GALNT13: variants seen among roughly 807,000 people sequenced by gnomAD.
GALNT13 encodes the protein UDP-GalNAc:polypeptide N-acetylgalactosaminyltransferase 13.
Under a neutral mutation model 64.2 loss-of-function variants are expected in GALNT13, and 28 were observed. That is an observed-to-expected ratio of 0.44 (90% CI 0.32 to 0.60). The LOEUF (loss-of-function observed/expected upper bound fraction) is 0.60. GALNT13 is among the 20% of genes least tolerant of loss of function. The probability of loss-of-function intolerance (pLI) is 0.05; values close to 1 mark genes in which losing one functional copy is unlikely to be tolerated. For synonymous variants in GALNT13, 214 were observed against 224.6 expected, an observed-to-expected ratio of 0.95 and a Z score of 0.42; for missense variants, 577 against 669.8, an observed-to-expected ratio of 0.86 and a Z score of 1.53.
At chr2:153,260,090 A>G in the GALNT13 span, among the ~76,000 whole-genome samples, 3 of 152,158 alleles carry the variant, frequency 2.0e-5, no homozygotes, top group Non-Finnish European at 4.4e-5. Flanking sequence ...TAAAACTAAT[A>G]CAACTCTAAG....
chr2:154,301,349 C>A (rs896884119), intron 8 of GALNT13, 60 bp from the exon 9 acceptor site: 2 of 1,375,142 alleles, frequency 1.5e-6, no homozygotes, highest in Non-Finnish European at 2.0e-6. Context: ...GCCTAAGCTT[C>A]AGTTGCTTCA....
At chr2:154,119,580 GTGTC>G (rs1245976813) in intron 3 of GALNT13, among the ~76,000 whole-genome samples, 11 of 151,722 alleles carry the variant, frequency 7.3e-5, no homozygotes, top group African/African-American at 9.7e-5. Context: ...TCTAGTGAAG[GTGTC>G]TGAATTTTTA....
chr2:154,113,252 C>T (rs1319250327), intron 3 of GALNT13, among the ~76,000 whole-genome samples: 1 of 152,188 alleles, frequency 6.6e-6, no homozygotes, highest in Non-Finnish European at 1.5e-5. Context: ...AGTAAGCCTC[C>T]CTATCTGCCA....
At chr2:153,358,849 C>T in the GALNT13 span, among the ~76,000 whole-genome samples, 1 of 152,120 alleles carries the variant, frequency 6.6e-6, no homozygotes, top group African/African-American at 2.4e-5. Flanking sequence ...CTTTGTTTCT[C>T]ACCAGAGGTT....
the GALNT13 span, among the ~76,000 whole-genome samples, chr2:153,358,308 A>G: frequency 2.6e-5 from 4 of 152,340 alleles, no homozygotes; most frequent in South Asian, 8.3e-4. Flanking sequence ...TGTAATAGCA[A>G]CATAAAAGTT....
the GALNT13 span, among the ~76,000 whole-genome samples, chr2:153,590,618 A>T: frequency 6.6e-6 from 1 of 152,160 alleles, no homozygotes; most frequent in Non-Finnish European, 1.5e-5. Context: ...AAAACATTTT[A>T]AAAAACACAA....
chr2:154,392,552 T>C (rs547059330), intron 9 of GALNT13, among the ~76,000 whole-genome samples: 1 of 152,314 alleles, frequency 6.6e-6, no homozygotes, highest in Non-Finnish European at 1.5e-5. Context: ...CATTCTTTCA[T>C]GTTTATTCAA....
the GALNT13 span, chr2:153,370,634 C>G: frequency 6.6e-6 from 1 of 152,058 alleles, no homozygotes; most frequent in South Asian, 2.1e-4. Context: ...GCAAAGAAGC[C>G]CCTGCTCTTC....
At chr2:153,331,776 T>G in the GALNT13 span, among the ~76,000 whole-genome samples, 18 of 152,274 alleles carry the variant, frequency 1.2e-4, no homozygotes, top group African/African-American at 4.1e-4. Context: ...CAATACTTTG[T>G]ATGCTTCAAT....
At chr2:153,606,955 T>C in the GALNT13 span, among the ~76,000 whole-genome samples, 1 of 151,914 alleles carries the variant, frequency 6.6e-6, no homozygotes, top group Non-Finnish European at 1.5e-5. Flanking sequence ...TCATCTCTTT[T>C]CATATTTCAG....
intron 3 of GALNT13, among the ~76,000 whole-genome samples, chr2:154,068,951 A>G (rs937936215): frequency 3.3e-5 from 5 of 151,960 alleles, no homozygotes; most frequent in Admixed American, 1.3e-4. Flanking sequence ...GGTGCTGGAT[A>G]CCCCATTTAC....
At chr2:154,403,595 G>T (rs1426840819) in intron 10 of GALNT13, among the ~76,000 whole-genome samples, 2 of 152,082 alleles carry the variant, frequency 1.3e-5, no homozygotes, top group African/African-American at 4.8e-5. Flanking sequence ...TATCTCTCAG[G>T]TCACCCTGGA....
the GALNT13 span, among the ~76,000 whole-genome samples, chr2:153,299,796 A>G: frequency 6.6e-6 from 1 of 152,186 alleles, no homozygotes. Context: ...TCAAATTTTC[A>G]TTCAACCACT....
chr2:153,387,738 A>G, the GALNT13 span, among the ~76,000 whole-genome samples: 3 of 152,170 alleles, frequency 2.0e-5, no homozygotes, highest in Non-Finnish European at 2.9e-5. Context: ...AAGGCTTTAA[A>G]TTTCAATTAT....
chr2:153,073,132 C>A, the GALNT13 span, among the ~76,000 whole-genome samples: 2 of 152,068 alleles, frequency 1.3e-5, no homozygotes, highest in Admixed American at 6.6e-5. Flanking sequence ...ATACAATATG[C>A]TGTTCAAAAA....
At chr2:153,134,801 T>C in the GALNT13 span, among the ~76,000 whole-genome samples, 1 of 152,124 alleles carries the variant, frequency 6.6e-6, no homozygotes, top group African/African-American at 2.4e-5. Context: ...TGCTTGATAT[T>C]TGGCTAACAA....
chr2:153,640,573 G>A, the GALNT13 span, among the ~76,000 whole-genome samples: 1 of 152,020 alleles, frequency 6.6e-6, no homozygotes, highest in Non-Finnish European at 1.5e-5. Context: ...AAATCCATGA[G>A]TTTGAGACCA....
chr2:154,415,655 A>G (rs1699978029), intron 11 of GALNT13, among the ~76,000 whole-genome samples: 1 of 152,166 alleles, frequency 6.6e-6, no homozygotes, highest in South Asian at 2.1e-4. Flanking sequence ...ATTGAATCTA[A>G]TCTTATGACA....
chr2:153,516,343 G>A, the GALNT13 span, among the ~76,000 whole-genome samples: 1 of 152,128 alleles, frequency 6.6e-6, no homozygotes, highest in Non-Finnish European at 1.5e-5. Flanking sequence ...TGATTAATTT[G>A]GCAGGATTGA....
Sources: allele counts gnomAD v4.1 joint callset (sites outside exome capture counted in the v4.1 genomes callset), GRCh38; gene constraint gnomAD v4.1.1; transcripts MANE v1.5; gene names NCBI Gene and HGNC (gene_info 2026-07-23, HGNC 2026-07-21).